Variants in TRAPPC9 observed in about 807,000 individuals in gnomAD.
TRAPPC9 encodes trafficking protein particle complex subunit 9, also known as IKK2 binding protein.
A neutral mutation model predicts 124.0 loss-of-function variants in TRAPPC9; 83 were observed. That is an observed-to-expected ratio of 0.67 (90% CI 0.56 to 0.80). The LOEUF is 0.80. TRAPPC9 is among the 30% of genes least tolerant of loss of function. The pLI is 0.00. For synonymous variants in TRAPPC9, 638 were observed against 617.5 expected (o/e 1.03, Z -0.49); for missense variants, 1,302 against 1,508.3 (o/e 0.86, Z 2.27).
chr8:140,153,385 A>G (rs2061579107), intron 17 of TRAPPC9, among the ~76,000 whole-genome samples: 1 of 151,930 alleles, frequency 6.6e-6, no homozygotes, highest in South Asian at 2.1e-4. Flanking sequence ...ATTTGCCCCT[A>G]TCATTCTTTT....
chr8:139,892,841 C>G (rs998724304), intron 20 of TRAPPC9, among the ~76,000 whole-genome samples: 1 of 152,188 alleles, frequency 6.6e-6, no homozygotes, highest in Non-Finnish European at 1.5e-5. Flanking sequence ...AGAAGCGTGT[C>G]AAGCCACAGG....
At chr8:139,732,269 A>C in intron 21 of TRAPPC9, 67 bp from the exon 22 acceptor site, 3 of 1,386,278 alleles carry the variant, frequency 2.2e-6, no homozygotes, top group Non-Finnish European at 2.9e-6. Context: ...TACCCCACCC[A>C]CTCGCTGATT....
chr8:139,802,140 A>C (rs1303715426), intron 21 of TRAPPC9, among the ~76,000 whole-genome samples: 2 of 152,096 alleles, frequency 1.3e-5, no homozygotes, highest in African/African-American at 4.8e-5. Flanking sequence ...ACAGAACGGC[A>C]TGGGTCACCT....
intron 17 of TRAPPC9, among the ~76,000 whole-genome samples, chr8:140,111,711 T>C (rs1321475594): frequency 1.3e-5 from 2 of 152,156 alleles, no homozygotes; most frequent in African/African-American, 4.8e-5. Context: ...AAAATGGAGG[T>C]AAAGCAGAAA....
intron 3 of TRAPPC9, among the ~76,000 whole-genome samples, chr8:140,435,749 T>C (rs1406784803): frequency 6.6e-6 from 1 of 152,212 alleles, no homozygotes; most frequent in Non-Finnish European, 1.5e-5. Context: ...GTTGTAGTCC[T>C]CCCTCTTCCT....
chr8:140,183,966 GA>G, intron 17 of TRAPPC9, among the ~76,000 whole-genome samples: 5 of 106,078 alleles, frequency 4.7e-5, no homozygotes, highest in Non-Finnish European at 7.6e-5. Context: ...GGGGAGGGAG[GA>G]GGGAGGAGGG....
intron 6 of TRAPPC9, among the ~76,000 whole-genome samples, chr8:140,401,632 ATTTT>A (rs146521869): frequency 2.6e-5 from 4 of 151,168 alleles, no homozygotes; most frequent in African/African-American, 9.7e-5. Flanking sequence ...ATGAAAAATT[ATTTT>A]TTTTTGAGAC....
At chr8:140,384,681 G>A (rs557832654) in intron 7 of TRAPPC9, among the ~76,000 whole-genome samples, 1 of 152,132 alleles carries the variant, frequency 6.6e-6, no homozygotes, top group African/African-American at 2.4e-5. Context: ...AGTCTTCAGA[G>A]ACCTACAAAG....
Position 140,221,672 on chromosome 8 carries a change from C to G in TRAPPC9, c.2432-89G>C, listed in dbSNP as rs112739763. Reference sequence around the variant, plus strand: ...GTTGTTGTTTGGGACGGGTCTCGCTCTGTCGCACAAGCTGGAGTGCAGTGG... The same window carrying G: ...GTTGTTGTTTGGGACGGGTCTCGCTGTGTCGCACAAGCTGGAGTGCAGTGG... On this transcript the variant is annotated intron_variant, in intron 16 of 22. Coordinates refer to ENST00000438773, the MANE Select transcript of TRAPPC9 (RefSeq NM_001160372.4). 1.0e-3 allele frequency: 1,508 copies of G among 1,503,980 alleles called. 11 individuals are homozygous for G. The African/African-American group carries it at 0.018, about 18-fold the overall frequency. The allele number at this position is 1,503,980 out of a possible 1,614,324, so 93.2% of individuals were successfully genotyped here.
intron 8 of TRAPPC9, among the ~76,000 whole-genome samples, chr8:140,365,559 A>C (rs1195289524): frequency 1.3e-5 from 2 of 152,202 alleles, no homozygotes; most frequent in African/African-American, 4.8e-5. Context: ...AGGAGACAAC[A>C]GCGCCCCTTC....
At chr8:140,261,889 C>G (rs1402340788) in intron 15 of TRAPPC9, among the ~76,000 whole-genome samples, 1 of 152,070 alleles carries the variant, frequency 6.6e-6, no homozygotes, top group Non-Finnish European at 1.5e-5. Flanking sequence ...CCCAACACAA[C>G]CTGGAAGGAA....
At chr8:140,323,750 A>G (rs1231429154) in intron 9 of TRAPPC9, among the ~76,000 whole-genome samples, 2 of 152,160 alleles carry the variant, frequency 1.3e-5, no homozygotes, top group African/African-American at 4.8e-5. Context: ...AAGGAGAAAA[A>G]AGAAGAGGAA....
At chr8:140,314,652 CA>C (rs1472255179) in intron 9 of TRAPPC9, among the ~76,000 whole-genome samples, 5 of 152,196 alleles carry the variant, frequency 3.3e-5, no homozygotes, top group African/African-American at 1.2e-4. Flanking sequence ...TTCCATGAGA[CA>C]AACGTTTAAA....
At chr8:139,912,924 T>C (rs1031218569) in intron 19 of TRAPPC9, among the ~76,000 whole-genome samples, 1 of 152,224 alleles carries the variant, frequency 6.6e-6, no homozygotes, top group Non-Finnish European at 1.5e-5. Flanking sequence ...GAATATTTCC[T>C]AAGTTTCATG....
intron 19 of TRAPPC9, among the ~76,000 whole-genome samples, chr8:139,960,796 T>C (rs1343740199): frequency 8.0e-6 from 1 of 125,010 alleles, no homozygotes; most frequent in African/African-American, 2.5e-5. Flanking sequence ...CTGTCCCTTC[T>C]GCACTCCTGC....
At chr8:139,868,961 G>A (rs949810613) in intron 21 of TRAPPC9, among the ~76,000 whole-genome samples, 1 of 152,290 alleles carries the variant, frequency 6.6e-6, no homozygotes, top group East Asian at 1.9e-4. Flanking sequence ...GACAGAAGAT[G>A]TAGAAGGAAA....
intron 16 of TRAPPC9, among the ~76,000 whole-genome samples, chr8:140,224,535 T>A (rs1478201883): frequency 6.6e-6 from 1 of 152,082 alleles, no homozygotes; most frequent in Non-Finnish European, 1.5e-5. Context: ...CTGGGAAGCT[T>A]CAGGTAGGGC....
intron 9 of TRAPPC9, among the ~76,000 whole-genome samples, chr8:140,322,928 A>G (rs767887261): frequency 1.3e-5 from 2 of 152,254 alleles, no homozygotes; most frequent in Non-Finnish European, 2.9e-5. Context: ...CTTGCCTGGC[A>G]TACAACTCCT....
chr8:139,805,667 T>A (rs956660716), intron 21 of TRAPPC9, among the ~76,000 whole-genome samples: 47 of 151,950 alleles, frequency 3.1e-4, no homozygotes, highest in African/African-American at 9.9e-4. Flanking sequence ...AAATGCAGAG[T>A]CCACAAGAGG....
Sources: allele counts gnomAD v4.1 joint callset (sites outside exome capture counted in the v4.1 genomes callset), GRCh38; gene constraint gnomAD v4.1.1; transcripts MANE v1.5; gene names NCBI Gene and HGNC (gene_info 2026-07-23, HGNC 2026-07-21).